The following EFTUD2 variants were observed in gnomAD, a reference collection of about 807,000 sequenced individuals.
The protein encoded by EFTUD2 is elongation factor Tu GTP binding domain containing 2, also known as 116 kDa U5 small nuclear ribonucleoprotein component.
EFTUD2 carries 9 observed loss-of-function variants against 114.3 expected under a neutral mutation model. That is an observed-to-expected ratio of 0.08 (90% CI 0.05 to 0.14). The LOEUF (loss-of-function observed/expected upper bound fraction) is 0.14. Among genes scored for constraint, EFTUD2 ranks in the 10% least tolerant of loss-of-function variants. The pLI is 1.00. For missense variants in EFTUD2, 765 were observed against 1,241.2 expected (o/e 0.62, Z 5.76); for synonymous variants, 449 against 462.3 (o/e 0.97, Z 0.37).
At chr17:44,856,077 C>T (rs893027038) in intron 20 of EFTUD2, among the ~76,000 whole-genome samples, 2 of 149,058 alleles carry the variant, frequency 1.3e-5, no homozygotes, top group African/African-American at 2.5e-5. Flanking sequence ...GCTGCAGTGA[C>T]CCATGGTGGC....
chr17:44,856,383 A>T (rs545413936), intron 20 of EFTUD2, among the ~76,000 whole-genome samples: 3 of 152,056 alleles, frequency 2.0e-5, no homozygotes, highest in African/African-American at 7.2e-5. Flanking sequence ...ACAAAAAATT[A>T]GCCAGGTGTG....
intron 19 of EFTUD2, chr17:44,857,457 C>T (rs952509605): frequency 1.2e-5 from 4 of 344,526 alleles, no homozygotes; most frequent in African/African-American, 8.5e-5. Flanking sequence ...ATTCAGCCAT[C>T]TACCACCATT....
chr17:44,859,381 T>C (rs1339406302), intron 18 of EFTUD2, 200 bp from the exon 19 acceptor site: 1 of 603,012 alleles, frequency 1.7e-6, no homozygotes, highest in Non-Finnish European at 3.0e-6. Context: ...CCACTCAGCA[T>C]GGTGATACTA....
At chr17:44,880,216 G>C (rs1174366255) in intron 8 of EFTUD2, among the ~76,000 whole-genome samples, 1 of 152,298 alleles carries the variant, frequency 6.6e-6, no homozygotes, top group African/African-American at 2.4e-5. Flanking sequence ...TCCTTCAAAA[G>C]ACTGAGAGTA....
chr17:44,867,279 C>T lies in EFTUD2; in HGVS notation c.1149+528G>A, dbSNP rs373208069. Among the ~76,000 whole-genome samples, 5 of 151,356 alleles carry T rather than the reference C, an allele frequency of 3.3e-5. 1 individual carries two copies. Among genetic ancestry groups the T allele is most frequent in the African/African-American group, 1.2e-4 (5 of 41,256 alleles). ...TCTAGGAGAAGTCTTTTCTTTCATA[C>T]CTTTTCCCTTTCCTTTGATTTTTTT... is the stretch of plus-strand genomic sequence containing the variant. On this transcript the variant is annotated intron_variant, in intron 13 of 27. Coordinates refer to ENST00000426333, the MANE Select transcript of EFTUD2 (RefSeq NM_004247.4).
At position 44,879,658 on chromosome 17, in the gene EFTUD2, T is replaced by C; in HGVS notation, c.620-20A>G. 1 of 1,612,190 alleles carries C rather than the reference T, an allele frequency of 6.2e-7. No homozygotes were observed. Among genetic ancestry groups the C allele is most frequent in the Non-Finnish European group, 8.5e-7 (1 of 1,179,132 alleles). On this transcript the variant is annotated intron_variant, in intron 8 of 27. Transcript: ENST00000426333. The stretch of plus-strand genomic sequence containing the variant: ...CATGTCCTGAAAAGCAAATACTAAG[T>C]AAGTCATCACTTGGTGCAGGATAAA...
At chr17:44,851,501 G>T in intron 27 of EFTUD2, 132 bp from the exon 28 acceptor site, 1 of 892,952 alleles carries the variant, frequency 1.1e-6, no homozygotes, top group Non-Finnish European at 1.8e-6. Flanking sequence ...CAGGAGCCCT[G>T]CCTTTAGGGT....
At chr17:44,853,759 T>A in intron 23 of EFTUD2, 124 bp from the exon 24 acceptor site, 9 of 1,516,082 alleles carry the variant, frequency 5.9e-6, no homozygotes, top group South Asian at 2.5e-5. Context: ...GGTACAGAAA[T>A]CAAATGGGAG....
chr17:44,869,432 G>A (rs2145492757), intron 11 of EFTUD2, among the ~76,000 whole-genome samples: 2 of 152,202 alleles, frequency 1.3e-5, no homozygotes, highest in Admixed American at 1.3e-4. Context: ...CCGAGTAGCT[G>A]GGACTACAGG....
chr17:44,865,129 CAAGGG>C lies in EFTUD2; in HGVS notation c.1150-69_1150-65del, dbSNP rs1383081966. 12 of 1,585,206 alleles carry C rather than the reference CAAGGG, an allele frequency of 7.6e-6. No homozygotes were observed. In the African/African-American group the frequency reaches 1.6e-4, roughly 21 times the overall value. ...GCCTGAGCATGGTGCTAGAGGGAGA[CAAGGG>C]AAGTCCAAAGAAATATCTGAAGAAC... On this transcript the variant is annotated intron_variant, in intron 13 of 27. Transcript: ENST00000426333.
At chr17:44,891,673 T>A (rs982427223) in intron 2 of EFTUD2, among the ~76,000 whole-genome samples, 8 of 152,082 alleles carry the variant, frequency 5.3e-5, no homozygotes, top group Non-Finnish European at 5.9e-5. Flanking sequence ...ATTTTAAAAA[T>A]TTTTTTGTTA....
intron 11 of EFTUD2, 112 bp downstream of exon 11, chr17:44,872,334 A>C (rs995945609): frequency 7.0e-7 from 1 of 1,422,232 alleles, no homozygotes; most frequent in Non-Finnish European, 9.7e-7. Flanking sequence ...ACAGGTGATA[A>C]AATGTTCCCC....
chr17:44,855,865 T>G (rs2050540970), intron 20 of EFTUD2, among the ~76,000 whole-genome samples: 1 of 150,990 alleles, frequency 6.6e-6, no homozygotes, highest in African/African-American at 2.4e-5. Context: ...GGCAGGGGAA[T>G]TGCTTGGACC....
chr17:44,870,446 C>A (rs2050827911), intron 11 of EFTUD2, among the ~76,000 whole-genome samples: 1 of 151,914 alleles, frequency 6.6e-6, no homozygotes, highest in Non-Finnish European at 1.5e-5. Flanking sequence ...GGTCAATGGC[C>A]CAATGCTGTG....
rs139647674 is a variant in EFTUD2 at position 44,864,320 on chromosome 17, C to T, written c.1286-538G>A. 3.4e-3 allele frequency among the ~76,000 whole-genome samples: 511 copies of T among 152,276 alleles called. 5 individuals carry two copies. The highest frequency in any genetic ancestry group is 5.8e-3 in the Non-Finnish European group (398 of 68,036). On this transcript the variant is annotated intron_variant, in intron 14 of 27. Transcript: ENST00000426333. ...AGACCAAAATAAGCTATTAAAACTA[C>T]GCACCTTGGGGGCCCAGACACCTAA...
intron 2 of EFTUD2, chr17:44,894,212 A>T: frequency 2.3e-6 from 1 of 436,234 alleles, no homozygotes; most frequent in Non-Finnish European, 4.2e-6. Flanking sequence ...CACGAAAAAT[A>T]AAAAAAAATT....
chr17:44,864,464 G>C (rs551495151), intron 14 of EFTUD2, among the ~76,000 whole-genome samples: 2 of 152,194 alleles, frequency 1.3e-5, no homozygotes, highest in Non-Finnish European at 2.9e-5. Context: ...CTGGCCCAGG[G>C]TCATCTCATG....
At chr17:44,880,338 C>A (rs745644612) in intron 8 of EFTUD2, 196 of 410,114 alleles carry the variant, frequency 4.8e-4, no homozygotes, top group Middle Eastern at 3.8e-3. Context: ...TTTAAATATT[C>A]GAAAGAGTAA....
chr17:44,852,184 TG>T (rs1189702173), intron 26 of EFTUD2, among the ~76,000 whole-genome samples: 2 of 152,092 alleles, frequency 1.3e-5, no homozygotes, highest in Non-Finnish European at 2.9e-5. Context: ...CCCAAAGTGC[TG>T]GGATTACAGG....
Sources: gnomAD v4.1 joint callset for allele counts (sites outside exome capture counted in the v4.1 genomes callset) on GRCh38, gnomAD v4.1.1 for gene constraint, MANE v1.5 for transcripts, NCBI Gene and HGNC (gene_info 2026-07-23, HGNC 2026-07-21) for gene names.